The following ARHGAP39 variants were observed in gnomAD, a reference collection of about 807,000 sequenced individuals.
ARHGAP39 encodes rho GTPase-activating protein 39.
In ARHGAP39, 44 loss-of-function variants were observed where a neutral mutation model predicts 106.9. That is an observed-to-expected ratio of 0.41 (90% CI 0.32 to 0.53). The LOEUF (loss-of-function observed/expected upper bound fraction) is 0.53, where lower values mean the gene tolerates loss of function less well. Among genes scored for constraint, ARHGAP39 ranks in the 20% least tolerant of loss-of-function variants. The pLI is 0.21. For synonymous variants in ARHGAP39, 768 were observed against 693.2 expected, an observed-to-expected ratio of 1.11 and a Z score of -1.69; for missense variants, 1,496 against 1,577.3, an observed-to-expected ratio of 0.95 and a Z score of 0.87.
chr8:144,570,952 T>C (rs868853397), intron 3 of ARHGAP39, among the ~76,000 whole-genome samples: 1 of 152,164 alleles, frequency 6.6e-6, no homozygotes, highest in African/African-American at 2.4e-5. Context: ...AATCTCTGAA[T>C]AGACGAATAA....
chr8:144,601,252 G>A (rs111206472), intron 2 of ARHGAP39, among the ~76,000 whole-genome samples: 4 of 141,208 alleles, frequency 2.8e-5, no homozygotes, highest in East Asian at 4.3e-4. Flanking sequence ...GCATGGAGGC[G>A]TGTGTGCTCG....
In ARHGAP39 at chr8:144,604,228, G is replaced by A. The variant is rs565317102; in HGVS notation, c.80+1307C>T. Among the ~76,000 whole-genome samples, 1 of 152,280 alleles carries A rather than the reference G, an allele frequency of 6.6e-6. No homozygotes were observed. Among genetic ancestry groups the A allele is most frequent in the East Asian group, 1.9e-4 (1 of 5,182 alleles). On this transcript the variant is annotated intron_variant, in intron 2 of 11. Coordinates refer to ENST00000377307, the MANE Select transcript of ARHGAP39 (RefSeq NM_025251.3). This position sits in a 1 kb window ranked among gnomAD's most constrained non-coding sequence, Gnocchi z 4.1. ...GCTGCACCTCGGGGGGTGCGGGCGA[G>A]GCCTCTGTCGGGGTCAGAGGTCATG...
intron 2 of ARHGAP39, among the ~76,000 whole-genome samples, chr8:144,602,169 G>A (rs1820017725): frequency 1.4e-5 from 2 of 144,588 alleles, no homozygotes; most frequent in African/African-American, 5.2e-5. Flanking sequence ...GTGCGTGGAG[G>A]CGTGTGTGCT....
chr8:144,642,987 T>C (rs374426547), intron 1 of ARHGAP39, among the ~76,000 whole-genome samples: 1 of 151,992 alleles, frequency 6.6e-6, no homozygotes, highest in Non-Finnish European at 1.5e-5. Context: ...CACTCCAGTC[T>C]GGGCAACAGA....
intron 1 of ARHGAP39, among the ~76,000 whole-genome samples, chr8:144,666,657 C>T (rs1342491996): frequency 6.6e-6 from 1 of 152,192 alleles, no homozygotes; most frequent in African/African-American, 2.4e-5. Context: ...ATGTGACCTT[C>T]ACCTCCCGCT....
Position 144,534,054 on chromosome 8 carries a change from G to A in ARHGAP39, c.2688+75C>T, listed in dbSNP as rs951502359. On this transcript the variant is annotated intron_variant, in intron 8 of 11. Transcript: ENST00000377307. ...TGCTGCCCCATACCAAACTGCAGGC[G>A]GGGCTCCTGGGGCTGTCCACCAAGG... is the stretch of plus-strand genomic sequence containing the variant. The A allele has an allele frequency of 1.4e-5, 22 of 1,531,812 alleles. No individual in the cohort carries two copies. In the Middle Eastern group the frequency reaches 7.1e-4, roughly 49 times the overall value. The allele number at this position is 1,531,812 out of a possible 1,614,324, so 94.9% of individuals were successfully genotyped here.
At chr8:144,682,800 C>T (rs533822251) in intron 1 of ARHGAP39, among the ~76,000 whole-genome samples, 2 of 152,248 alleles carry the variant, frequency 1.3e-5, no homozygotes, top group South Asian at 2.1e-4. Flanking sequence ...CACTTGAGCT[C>T]AGGAGTTTGA....
rs984665549 is a variant in ARHGAP39, at chr8:144,646,412, T to C, written c.-82+39274A>G. Among the ~76,000 whole-genome samples, 1 of 152,146 alleles carries C rather than the reference T, an allele frequency of 6.6e-6. No homozygotes were observed. Among genetic ancestry groups the C allele is most frequent in the Non-Finnish European group, 1.5e-5 (1 of 68,016 alleles). ...TGCCTTCTTGGCTTCTGTTTGTTTT[T>C]AATCCTGTGAAAGTATCGATAGCCA... is the stretch of plus-strand genomic sequence containing the variant. On this transcript the variant is annotated intron_variant, in intron 1 of 11. Transcript: ENST00000377307. The surrounding 1 kb of genome is among the most constrained non-coding windows in gnomAD (Gnocchi z 5.7).
rs147057461 is a variant in ARHGAP39 at position 144,619,718 on chromosome 8, A to G, written c.-81-14023T>C. Among the ~76,000 whole-genome samples, 29 of 131,334 alleles carry G rather than the reference A, an allele frequency of 2.2e-4. 1 individual carries two copies. In the East Asian group the frequency reaches 7.3e-3, roughly 33 times the overall value. 86.2% of individuals were successfully genotyped at this position (131,334 alleles called of 152,430 possible). ...AGAGCTTGTGTGTCCCTGAAAAAGCATATGTGTCCGTGTGCGTGTGAGCCT... is the reference window on the plus strand; with the variant it reads ...AGAGCTTGTGTGTCCCTGAAAAAGCGTATGTGTCCGTGTGCGTGTGAGCCT... On this transcript the variant is annotated intron_variant, in intron 1 of 11. Transcript: ENST00000377307.
At position 144,547,134 on chromosome 8, in the gene ARHGAP39, G is replaced by A; in HGVS notation, c.1952C>T (p.Pro651Leu). 6.3e-7 allele frequency: 1 copy of A among 1,596,920 alleles called. No homozygotes were observed. The highest frequency in any genetic ancestry group is 8.5e-7 in the Non-Finnish European group (1 of 1,171,302). Residue 651 changes from proline to leucine, a missense_variant, in exon 5 of 12, where the codon CCC becomes CTC. Physicochemically the swap from Pro to Leu is moderately conservative, Grantham distance 98. Around this residue, in one of 4 missense-constraint regions of ARHGAP39, gnomAD observed 905 missense variants for 816.4 expected, o/e 1.11. Transcript: ENST00000377307. The surrounding 1 kb of genome is among the most constrained non-coding windows in gnomAD (Gnocchi z 5.2). ...CGCCCATTGGGCCCTCACCTGTGAGGGGTGGAGGTAGGGCTCTGGTGAGGC... is the reference window on the plus strand; with the variant it reads ...CGCCCATTGGGCCCTCACCTGTGAGAGGTGGAGGTAGGGCTCTGGTGAGGC... Reference protein sequence around the residue: ...NLASPEPYLHPSQSEDLAACA... With the variant: ...NLASPEPYLHLSQSEDLAACA...
rs1464815156 is a variant in ARHGAP39, at chr8:144,547,273, C to T, written c.1813G>A (p.Glu605Lys). Residue 605 changes from glutamate to lysine, a missense_variant, in exon 5 of 12, where the codon GAG becomes AAG. Glu to Lys is a moderately conservative substitution (Grantham distance 56, BLOSUM62 1). Around this residue, in one of 4 missense-constraint regions of ARHGAP39, gnomAD observed 905 missense variants for 816.4 expected, o/e 1.11. Coordinates refer to ENST00000377307, the MANE Select transcript of ARHGAP39 (RefSeq NM_025251.3). The surrounding 1 kb of genome is among the most constrained non-coding windows in gnomAD (Gnocchi z 5.2). ...TCCTGCTGGGCCAGCGCCTCGTCCT[C>T]GCTGAAGGCCCGCACCACCGGCCCG... ...MPGPVVRAFSEDEALAQQENR... is the reference protein window; with the variant it reads ...MPGPVVRAFSKDEALAQQENR... 3 of 1,612,366 alleles carry T rather than the reference C, an allele frequency of 1.9e-6. No homozygotes were observed. Among genetic ancestry groups the T allele is most frequent in the African/African-American group, 1.3e-5 (1 of 75,016 alleles).
intron 6 of ARHGAP39, among the ~76,000 whole-genome samples, chr8:144,539,020 A>C (rs1400498872): frequency 2.0e-5 from 3 of 148,882 alleles, no homozygotes; most frequent in African/African-American, 7.5e-5. Context: ...GCACTTCCTC[A>C]CTTTTGACTA....
chr8:144,536,713 G>A (rs1425482161), intron 7 of ARHGAP39, among the ~76,000 whole-genome samples: 1 of 152,202 alleles, frequency 6.6e-6, no homozygotes, highest in East Asian at 1.9e-4. Context: ...CCTCGGAGGT[G>A]CCAGGGTGAG....
At chr8:144,537,472 T>C (rs547383901) in intron 7 of ARHGAP39, among the ~76,000 whole-genome samples, 1 of 152,070 alleles carries the variant, frequency 6.6e-6, no homozygotes, top group East Asian at 1.9e-4. Flanking sequence ...CCCCACCCCA[T>C]CAAGAACCCA....
the ARHGAP39 span, among the ~76,000 whole-genome samples, chr8:144,700,110 C>T: frequency 6.6e-6 from 1 of 152,214 alleles, no homozygotes; most frequent in Non-Finnish European, 1.5e-5. The surrounding 1 kb of genome is among the most constrained non-coding windows in gnomAD (Gnocchi z 5.6). Flanking sequence ...CCTCGTTCTC[C>T]TACGAAGGCG....
intron 2 of ARHGAP39, among the ~76,000 whole-genome samples, chr8:144,599,603 G>A (rs1819766415): frequency 6.6e-6 from 1 of 152,160 alleles, no homozygotes. Context: ...CTTTGGGAAC[G>A]TGCGAATGGT....
At chr8:144,695,919 C>T in the ARHGAP39 span, among the ~76,000 whole-genome samples, 1 of 152,068 alleles carries the variant, frequency 6.6e-6, no homozygotes, top group African/African-American at 2.4e-5. Flanking sequence ...AAGTTAAATC[C>T]TTGAGGAAGG....
At chr8:144,623,983 C>G (rs1275913193) in intron 1 of ARHGAP39, among the ~76,000 whole-genome samples, 1 of 152,246 alleles carries the variant, frequency 6.6e-6, no homozygotes, top group Non-Finnish European at 1.5e-5. Context: ...TTGGCATCAG[C>G]AGCAGCCTTG....
chr8:144,551,811 A>G (rs1337338651), intron 4 of ARHGAP39, among the ~76,000 whole-genome samples: 1 of 152,208 alleles, frequency 6.6e-6, no homozygotes, highest in East Asian at 1.9e-4. Context: ...CCCATGGCTC[A>G]GCTGCCCCTG....
Sources: gnomAD v4.1 joint callset for allele counts (sites outside exome capture counted in the v4.1 genomes callset) on GRCh38, gnomAD v4.1.1 for gene constraint, gnomAD v4.1.1 regional missense constraint, Gnocchi (gnomAD v3.1) non-coding constraint, MANE v1.5 for transcripts, NCBI Gene and HGNC (gene_info 2026-07-23, HGNC 2026-07-21) for gene names.